RCHY1: variants seen among roughly 807,000 people sequenced by gnomAD.
The protein encoded by RCHY1 is RING finger and CHY zinc finger domain-containing protein 1.
A neutral mutation model predicts 41.6 loss-of-function variants in RCHY1; 21 were observed. That is an observed-to-expected ratio of 0.51 (90% CI 0.36 to 0.73). The LOEUF (loss-of-function observed/expected upper bound fraction) is 0.73. Among genes scored for constraint, RCHY1 ranks in the 30% least tolerant of loss-of-function variants. The pLI is 0.00. For synonymous variants in RCHY1, 79 were observed against 102.9 expected (o/e 0.77, Z 1.41); for missense variants, 265 against 325.3 (o/e 0.81, Z 1.43).
intron 4 of RCHY1, 92 bp from the exon 5 acceptor site, chr4:75,492,025 C>A: frequency 1.1e-6 from 1 of 925,482 alleles, no homozygotes; most frequent in East Asian, 2.8e-5. Context: ...ACAAAACCAA[C>A]TTACTAAAAA....
chr4:75,499,487 C>G (rs1308079335), intron 3 of RCHY1, among the ~76,000 whole-genome samples: 1 of 152,188 alleles, frequency 6.6e-6, no homozygotes, highest in African/African-American at 2.4e-5. Flanking sequence ...TACTGCAGCA[C>G]TATTCAAAAT....
intron 3 of RCHY1, among the ~76,000 whole-genome samples, chr4:75,502,341 C>T (rs1723858628): frequency 6.6e-6 from 1 of 152,064 alleles, no homozygotes; most frequent in African/African-American, 2.4e-5. Flanking sequence ...GAGATCGAGA[C>T]CATGCTGGCT....
At chr4:75,501,653 A>G (rs1035239197) in intron 3 of RCHY1, among the ~76,000 whole-genome samples, 11 of 152,238 alleles carry the variant, frequency 7.2e-5, no homozygotes, top group Non-Finnish European at 1.6e-4. Flanking sequence ...TTCTATTTGA[A>G]AATTCTGTTA....
At chr4:75,509,324 T>G in intron 1 of RCHY1, 28 bp from the exon 2 acceptor site, 1 of 1,601,290 alleles carries the variant, frequency 6.2e-7, no homozygotes, top group Non-Finnish European at 8.5e-7. Context: ...AAAAGAGATA[T>G]AGTAAGAAGC....
At chr4:75,497,028 C>A (rs1215564032) in intron 3 of RCHY1, among the ~76,000 whole-genome samples, 1 of 151,886 alleles carries the variant, frequency 6.6e-6, no homozygotes, top group Non-Finnish European at 1.5e-5. Context: ...AACTTCTAGA[C>A]ATAAAAACTA....
At chr4:75,483,073 A>G (rs1721655343) in intron 8 of RCHY1, among the ~76,000 whole-genome samples, 1 of 152,092 alleles carries the variant, frequency 6.6e-6, no homozygotes, top group Admixed American at 6.6e-5. Context: ...CACAAATAAT[A>G]TTTTTGCTTA....
intron 8 of RCHY1, among the ~76,000 whole-genome samples, chr4:75,486,714 A>T (rs1390820240): frequency 2.0e-5 from 3 of 152,132 alleles, no homozygotes; most frequent in Non-Finnish European, 4.4e-5. Context: ...GCATGTATTT[A>T]AAAAAATTCA....
chr4:75,483,588 G>A (rs1430522735), intron 8 of RCHY1, among the ~76,000 whole-genome samples: 1 of 152,038 alleles, frequency 6.6e-6, no homozygotes, highest in Non-Finnish European at 1.5e-5. Flanking sequence ...TATATAATAT[G>A]TGAATTGTAT....
chr4:75,500,862 C>G (rs1166270086), intron 3 of RCHY1, among the ~76,000 whole-genome samples: 1 of 152,000 alleles, frequency 6.6e-6, no homozygotes, highest in Non-Finnish European at 1.5e-5. Context: ...TGTGCAGCTC[C>G]AAAAAGACTG....
At chr4:75,487,852 A>AAT (rs1235989484) in intron 8 of RCHY1, among the ~76,000 whole-genome samples, 3,595 of 84,070 alleles carry the variant, frequency 0.043, 179 homozygotes, top group Non-Finnish European at 0.073. Context: ...ATATATTCAT[A>AAT]ATATATATAT....
chr4:75,514,174 G>C, intron 1 of RCHY1, 23 bp downstream of exon 1: 1 of 1,596,784 alleles, frequency 6.3e-7, no homozygotes. Flanking sequence ...GCTTGTCAGG[G>C]AAGAGTCCAT....
intron 3 of RCHY1, among the ~76,000 whole-genome samples, chr4:75,504,361 T>G (rs767397649): frequency 1.3e-5 from 2 of 152,150 alleles, no homozygotes; most frequent in African/African-American, 2.4e-5. Context: ...AAAGCCAATC[T>G]CTCTTCTTCC....
chr4:75,493,916 T>C (rs1200431115), intron 4 of RCHY1, among the ~76,000 whole-genome samples, 185 bp downstream of exon 4: 1 of 151,814 alleles, frequency 6.6e-6, no homozygotes, highest in Non-Finnish European at 1.5e-5. Flanking sequence ...GAAAAGGAAC[T>C]GTAGGTCAGA....
At chr4:75,502,629 T>C (rs555591786) in intron 3 of RCHY1, among the ~76,000 whole-genome samples, 6 of 152,334 alleles carry the variant, frequency 3.9e-5, no homozygotes, top group African/African-American at 1.4e-4. Context: ...GCAATTATCA[T>C]ATGGGTCCAT....
intron 8 of RCHY1, 111 bp from the exon 9 acceptor site, chr4:75,482,777 A>G: frequency 1.4e-6 from 1 of 698,446 alleles, no homozygotes; most frequent in Non-Finnish European, 2.0e-6. Flanking sequence ...TACATACATA[A>G]GTCTAAAAAT....
In RCHY1 at chr4:75,491,616, C is replaced by A; in HGVS notation, c.531G>T (p.Leu177Phe). The change falls in exon 7 of 9, where the codon TTG becomes TTT. Residue 177 changes from leucine to phenylalanine, a missense_variant. Coordinates refer to ENST00000324439, the MANE Select transcript of RCHY1 (RefSeq NM_015436.4). ...LLHRTCYEEM[L>F]KEGYRCPLCM... ...TTAAAATCCCAAACACTCACTCTTT[C>A]AACATTTCTTCATAACACGTTCTGA... 1 of 1,601,286 alleles carries A rather than the reference C, an allele frequency of 6.2e-7. No homozygotes were observed. Among genetic ancestry groups the A allele is most frequent in the South Asian group, 1.1e-5 (1 of 90,418 alleles).
intron 8 of RCHY1, among the ~76,000 whole-genome samples, chr4:75,485,177 C>T (rs1222056891): frequency 6.6e-6 from 1 of 152,218 alleles, no homozygotes; most frequent in Admixed American, 6.5e-5. Flanking sequence ...TGTGCCCAGG[C>T]ATGGACATGG....
Position 75,511,343 on chromosome 4 carries a change from T to G in RCHY1, c.91-2047A>C, listed in dbSNP as rs140728731. Among the ~76,000 whole-genome samples the G allele has an allele frequency of 5.8e-3, 885 of 152,316 alleles. 9 individuals carry two copies. Among genetic ancestry groups the G allele is most frequent in the African/African-American group, 0.02 (846 of 41,560 alleles). Reference sequence around the variant, plus strand: ...AGTAAAAGTTTTCCAAAATTCTAATTTTTGTGTGAAAGCTTGAATTTTATC... The same window carrying G: ...AGTAAAAGTTTTCCAAAATTCTAATGTTTGTGTGAAAGCTTGAATTTTATC... On this transcript the variant is annotated intron_variant, in intron 1 of 8. Transcript: ENST00000324439.
intron 1 of RCHY1, among the ~76,000 whole-genome samples, chr4:75,510,708 G>A (rs1437026892): frequency 6.6e-5 from 10 of 152,018 alleles, no homozygotes; most frequent in Admixed American, 6.6e-4. Context: ...GGTTTATGTG[G>A]ATTTTATCTA....
Sources: gnomAD v4.1 joint callset for allele counts (sites outside exome capture counted in the v4.1 genomes callset) on GRCh38, gnomAD v4.1.1 for gene constraint, MANE v1.5 for transcripts, NCBI Gene and HGNC (gene_info 2026-07-23, HGNC 2026-07-21) for gene names.